Variants in CHST9 observed in about 807,000 individuals in gnomAD.
CHST9 encodes GalNAc-4-sulfotransferase 2.
Under a neutral mutation model 44.4 loss-of-function variants are expected in CHST9, and 41 were observed. The observed-to-expected ratio is 0.92, with a 90% CI of 0.72 to 1.20. The LOEUF (loss-of-function observed/expected upper bound fraction) is 1.20, where lower values mean the gene tolerates loss of function less well. Among genes scored for constraint, CHST9 ranks in the 50% most tolerant of loss-of-function variants. The pLI is 0.00. For synonymous variants in CHST9, 171 were observed against 178.4 expected (o/e 0.96, Z 0.33); for missense variants, 504 against 516.5 (o/e 0.98, Z 0.23).
At chr18:26,996,215 T>G (rs1298152331) in intron 4 of CHST9, among the ~76,000 whole-genome samples, 2 of 152,214 alleles carry the variant, frequency 1.3e-5, no homozygotes, top group Non-Finnish European at 2.9e-5. Context: ...TCTTTGTACT[T>G]CTGCTCTTAC....
chr18:26,965,233 T>A (rs1201585505), intron 4 of CHST9, among the ~76,000 whole-genome samples: 1 of 152,194 alleles, frequency 6.6e-6, no homozygotes. Context: ...GAAGCTGCAC[T>A]GTGCGGCCTG....
chr18:27,038,703 A>G (rs1194613770), intron 3 of CHST9, among the ~76,000 whole-genome samples: 1 of 152,152 alleles, frequency 6.6e-6, no homozygotes, highest in African/African-American at 2.4e-5. Context: ...GAAGTAGTGT[A>G]AAGTGTTTTT....
At chr18:27,170,099 G>A (rs1057432374) in intron 1 of CHST9, among the ~76,000 whole-genome samples, 3 of 152,200 alleles carry the variant, frequency 2.0e-5, no homozygotes, top group Admixed American at 1.3e-4. Flanking sequence ...TGAAGAGAGA[G>A]AATGAGAGGA....
chr18:27,145,132 T>C (rs916128151), intron 1 of CHST9, among the ~76,000 whole-genome samples: 1 of 152,342 alleles, frequency 6.6e-6, no homozygotes, highest in South Asian at 2.1e-4. Context: ...AAAGTTCTTA[T>C]GCAAAATGAG....
At chr18:27,170,558 T>C (rs2143956037) in intron 1 of CHST9, among the ~76,000 whole-genome samples, 1 of 152,334 alleles carries the variant, frequency 6.6e-6, no homozygotes, top group East Asian at 1.9e-4. Context: ...TACATGGATA[T>C]TTATCTTTTA....
intron 2 of CHST9, among the ~76,000 whole-genome samples, chr18:27,110,850 A>C (rs1213049374): frequency 5.3e-5 from 8 of 152,236 alleles, no homozygotes; most frequent in African/African-American, 1.7e-4. Flanking sequence ...CAGAAGCATC[A>C]GTATCACCTG....
intron 5 of CHST9, among the ~76,000 whole-genome samples, chr18:26,942,519 G>A (rs1042573019): frequency 6.6e-6 from 1 of 151,946 alleles, no homozygotes; most frequent in Admixed American, 6.6e-5. Flanking sequence ...ATTCTATTTT[G>A]GTGTCTACAT....
At chr18:26,994,023 T>C (rs772882359) in intron 4 of CHST9, among the ~76,000 whole-genome samples, 3 of 152,210 alleles carry the variant, frequency 2.0e-5, no homozygotes, top group Non-Finnish European at 2.9e-5. Context: ...CCCTTACAGA[T>C]TTGATGTCTC....
chr18:26,964,304 A>G (rs1480661823), intron 4 of CHST9, among the ~76,000 whole-genome samples: 2 of 152,204 alleles, frequency 1.3e-5, no homozygotes, highest in African/African-American at 4.8e-5. Flanking sequence ...TTAACAAGGT[A>G]TTGGTTACAT....
chr18:26,999,178 C>G (rs1021174400), intron 4 of CHST9, among the ~76,000 whole-genome samples: 2 of 152,170 alleles, frequency 1.3e-5, no homozygotes, highest in African/African-American at 2.4e-5. Flanking sequence ...AATGCTTATA[C>G]TACATTTATA....
At chr18:27,112,458 C>G (rs559270764) in intron 2 of CHST9, among the ~76,000 whole-genome samples, 1 of 151,738 alleles carries the variant, frequency 6.6e-6, no homozygotes, top group African/African-American at 2.4e-5. Context: ...GTGCATAAGG[C>G]AAAATTTATG....
chr18:27,145,393 A>G lies in CHST9; in HGVS notation c.-96-2488T>C, dbSNP rs548953590. 2.0e-5 allele frequency among the ~76,000 whole-genome samples: 3 copies of G among 152,328 alleles called. No individual in the cohort carries two copies. The East Asian group carries it at 5.8e-4, about 29-fold the overall frequency. On this transcript the variant is annotated intron_variant, in intron 1 of 5. Coordinates refer to ENST00000618847, the MANE Select transcript of CHST9 (RefSeq NM_031422.6). ...GAGATGGAGTTTCACCATGTTGGCCAGGCTGGTCTTGAACTCCTGACCTCA... is the reference window on the plus strand; with the variant it reads ...GAGATGGAGTTTCACCATGTTGGCCGGGCTGGTCTTGAACTCCTGACCTCA...
intron 1 of CHST9, among the ~76,000 whole-genome samples, chr18:27,153,595 C>T (rs2058676745): frequency 7.6e-6 from 1 of 131,732 alleles, no homozygotes; most frequent in African/African-American, 2.8e-5. Flanking sequence ...TGTGTGCCTT[C>T]TCTTCTGTCC....
chr18:27,041,176 C>T (rs565489380), intron 3 of CHST9, among the ~76,000 whole-genome samples: 1 of 152,228 alleles, frequency 6.6e-6, no homozygotes, highest in East Asian at 1.9e-4. Context: ...AGACCTGCTT[C>T]GTCTCATGCT....
chr18:27,110,839 C>T (rs1286691597), intron 2 of CHST9, among the ~76,000 whole-genome samples: 1 of 152,182 alleles, frequency 6.6e-6, no homozygotes, highest in Non-Finnish European at 1.5e-5. Context: ...TGGTTTTGGA[C>T]CAGAAGCATC....
intron 3 of CHST9, among the ~76,000 whole-genome samples, chr18:27,029,969 C>A (rs1470832514): frequency 6.6e-6 from 1 of 152,156 alleles, no homozygotes; most frequent in Non-Finnish European, 1.5e-5. Context: ...ACTTCCTAGT[C>A]CCCTAGAAAG....
At chr18:26,934,118 C>T (rs1465112496) in intron 5 of CHST9, among the ~76,000 whole-genome samples, 1 of 152,038 alleles carries the variant, frequency 6.6e-6, no homozygotes, top group East Asian at 1.9e-4. Flanking sequence ...AAGAGGAGGT[C>T]GGGACCACAC....
At chr18:27,127,692 C>G (rs187921225) in intron 2 of CHST9, among the ~76,000 whole-genome samples, 1 of 151,940 alleles carries the variant, frequency 6.6e-6, no homozygotes. Flanking sequence ...ATTACAGAAA[C>G]GACAAAGCAA....
intron 3 of CHST9, among the ~76,000 whole-genome samples, chr18:27,038,549 A>T (rs576186972): frequency 8.1e-4 from 124 of 152,230 alleles, no homozygotes; most frequent in African/African-American, 2.9e-3. Flanking sequence ...AAAAAAAAAG[A>T]ACTTCCAGCA....
Sources: allele counts gnomAD v4.1 joint callset (sites outside exome capture counted in the v4.1 genomes callset), GRCh38; gene constraint gnomAD v4.1.1; transcripts MANE v1.5; gene names NCBI Gene and HGNC (gene_info 2026-07-23, HGNC 2026-07-21).